AFG2A: variants seen among roughly 807,000 people sequenced by gnomAD.
AFG2A encodes ATPase family gene 2 protein homolog A.
At chr4:123,172,215 C>T in the AFG2A span, among the ~76,000 whole-genome samples, 3 of 152,144 alleles carry the variant, frequency 2.0e-5, no homozygotes, top group Admixed American at 2.0e-4. Flanking sequence ...TTTGGCCTGG[C>T]TTCAATGATA....
chr4:122,931,296 A>G, the AFG2A span, among the ~76,000 whole-genome samples: 1 of 152,134 alleles, frequency 6.6e-6, no homozygotes, highest in South Asian at 2.1e-4. Context: ...TATTTGATTC[A>G]TGAAATTTCC....
At chr4:123,223,919 T>A in the AFG2A span, among the ~76,000 whole-genome samples, 2 of 152,350 alleles carry the variant, frequency 1.3e-5, no homozygotes, top group Admixed American at 6.5e-5. Context: ...ACTTTTTAGT[T>A]TGATACAGCC....
At chr4:122,987,188 G>T in the AFG2A span, among the ~76,000 whole-genome samples, 1 of 151,774 alleles carries the variant, frequency 6.6e-6, no homozygotes, top group Non-Finnish European at 1.5e-5. Flanking sequence ...TAGCATGATT[G>T]CTATTTATGC....
the AFG2A span, among the ~76,000 whole-genome samples, chr4:123,226,973 T>A: frequency 0.013 from 1,920 of 152,342 alleles, 51 homozygotes; most frequent in African/African-American, 0.044. Context: ...ACCCATTTCT[T>A]CTAGATTTTC....
the AFG2A span, among the ~76,000 whole-genome samples, chr4:123,301,371 G>A: frequency 6.6e-6 from 1 of 152,096 alleles, no homozygotes; most frequent in East Asian, 1.9e-4. Context: ...CTAAATAAAT[G>A]GCTTATAAAC....
chr4:123,254,957 A>G, the AFG2A span, among the ~76,000 whole-genome samples: 1 of 152,062 alleles, frequency 6.6e-6, no homozygotes, highest in Admixed American at 6.6e-5. Flanking sequence ...ACAGATATAT[A>G]TATATGGCTA....
chr4:123,310,644 C>G, the AFG2A span, among the ~76,000 whole-genome samples: 48 of 152,328 alleles, frequency 3.2e-4, no homozygotes, highest in South Asian at 5.4e-3. Context: ...GGTGCTATAT[C>G]TTAGACATGC....
At chr4:123,230,257 T>G in the AFG2A span, among the ~76,000 whole-genome samples, 7 of 152,136 alleles carry the variant, frequency 4.6e-5, no homozygotes, top group East Asian at 1.2e-3. Flanking sequence ...CAATTCTCTC[T>G]GCCACTGCTT....
chr4:123,127,988 A>G, the AFG2A span, among the ~76,000 whole-genome samples: 1,521 of 152,232 alleles, frequency 1.0e-2, 35 homozygotes, highest in African/African-American at 0.035. Flanking sequence ...TTTAACATAT[A>G]CTGATGGTAT....
the AFG2A span, chr4:122,979,445 T>C: frequency 3.1e-5 from 49 of 1,555,810 alleles, no homozygotes; most frequent in Non-Finnish European, 4.0e-5. Flanking sequence ...GAAAAAAATT[T>C]AGAGTTCAGG....
the AFG2A span, among the ~76,000 whole-genome samples, chr4:123,264,670 C>T: frequency 0.035 from 5,335 of 152,202 alleles, 125 homozygotes; most frequent in African/African-American, 0.052. Context: ...CCCCTTTTCC[C>T]TTCTTCAGCA....
the AFG2A span, among the ~76,000 whole-genome samples, chr4:123,271,784 T>G: frequency 4.6e-5 from 7 of 152,320 alleles, no homozygotes; most frequent in African/African-American, 1.7e-4. Flanking sequence ...ATTTAAGTTT[T>G]TTATTTGCCG....
chr4:123,023,313 A>G, the AFG2A span, among the ~76,000 whole-genome samples: 1 of 152,184 alleles, frequency 6.6e-6, no homozygotes, highest in African/African-American at 2.4e-5. Flanking sequence ...CCTCAGCGTC[A>G]CACAATATAC....
the AFG2A span, among the ~76,000 whole-genome samples, chr4:122,980,607 C>T: frequency 5.3e-5 from 8 of 152,166 alleles, no homozygotes; most frequent in African/African-American, 1.9e-4. Flanking sequence ...ACTTTACATT[C>T]CCACCAACAG....
chr4:123,274,120 A>G, the AFG2A span, among the ~76,000 whole-genome samples: 1 of 152,108 alleles, frequency 6.6e-6, no homozygotes, highest in Non-Finnish European at 1.5e-5. Flanking sequence ...GTTATAACTC[A>G]GTGTATTCTT....
the AFG2A span, among the ~76,000 whole-genome samples, chr4:123,135,837 A>G: frequency 6.6e-6 from 1 of 152,180 alleles, no homozygotes; most frequent in Non-Finnish European, 1.5e-5. Context: ...GGACAGCTAT[A>G]TATAGAAAAT....
chr4:123,086,354 CT>C, the AFG2A span, among the ~76,000 whole-genome samples: 12 of 152,098 alleles, frequency 7.9e-5, no homozygotes, highest in African/African-American at 2.9e-4. Flanking sequence ...GCTTCACTTT[CT>C]TTTTGCTCAC....
At chr4:122,997,647 G>A in the AFG2A span, among the ~76,000 whole-genome samples, 1 of 152,086 alleles carries the variant, frequency 6.6e-6, no homozygotes, top group Non-Finnish European at 1.5e-5. Flanking sequence ...ATTCTTTAAG[G>A]TACATATCTG....
chr4:123,137,620 A>G, the AFG2A span, among the ~76,000 whole-genome samples: 1 of 152,094 alleles, frequency 6.6e-6, no homozygotes. Context: ...ATAGCATTCA[A>G]TTTGTATCTT....
Sources: allele counts gnomAD v4.1 joint callset (sites outside exome capture counted in the v4.1 genomes callset), GRCh38; gene constraint gnomAD v4.1.1; transcripts MANE v1.5; gene names NCBI Gene and HGNC (gene_info 2026-07-23, HGNC 2026-07-21).